The following EML5 variants were observed in gnomAD, a reference collection of about 807,000 sequenced individuals.
EML5 encodes the protein echinoderm microtubule-associated protein-like 5.
A neutral mutation model predicts 250.0 loss-of-function variants in EML5; 120 were observed. That is an observed-to-expected ratio of 0.48 (90% confidence interval 0.41 to 0.56). The LOEUF is 0.56. EML5 is among the 20% of genes least tolerant of loss of function. The probability of loss-of-function intolerance (pLI) is 0.00; values close to 1 mark genes in which losing one functional copy is unlikely to be tolerated. For synonymous variants in EML5, 771 were observed against 806.5 expected, an observed-to-expected ratio of 0.96 and a Z score of 0.75; for missense variants, 2,006 against 2,437.6, an observed-to-expected ratio of 0.82 and a Z score of 3.73.
rs767325864 is a variant in EML5, at chr14:88,625,067, A to C, written c.4801T>G (p.Leu1601Val). Reference sequence around the variant, plus strand: ...TGAGCTCTCGCCACGATTCTACACAATATGTGATCTTTCCACACACAGACA... The same window carrying C: ...TGAGCTCTCGCCACGATTCTACACACTATGTGATCTTTCCACACACAGACA... Reference protein sequence around the residue: ...GDVCVWKDHILCRIVARAHNG... With the variant: ...GDVCVWKDHIVCRIVARAHNG... The change falls in exon 36 of 44, where the codon TTG (leucine) becomes GTG (valine). Residue 1601 changes from leucine (L) to valine (V), a missense_variant. Leu to Val is a conservative substitution (Grantham distance 32). Around this residue, in one of 7 missense-constraint regions of EML5, gnomAD observed 405 missense variants for 523.3 expected, o/e 0.77. Coordinates refer to ENST00000554922, the MANE Select transcript of EML5 (RefSeq NM_183387.3). 15 of 1,613,920 alleles carry C rather than the reference A, an allele frequency of 9.3e-6. No homozygotes were observed. The East Asian group carries it at 3.3e-4, about 36-fold the overall frequency.
intron 1 of EML5, among the ~76,000 whole-genome samples, chr14:88,777,442 C>A (rs2094457278): frequency 6.6e-6 from 1 of 152,128 alleles, no homozygotes; most frequent in South Asian, 2.1e-4. Flanking sequence ...GGAAGCACTT[C>A]AATCAGAAAG....
intron 1 of EML5, among the ~76,000 whole-genome samples, chr14:88,790,450 T>C (rs2094594523): frequency 6.6e-6 from 1 of 152,240 alleles, no homozygotes. Context: ...TTATGAAATT[T>C]AAGCGGTGTG....
intron 33 of EML5, among the ~76,000 whole-genome samples, chr14:88,632,429 C>A (rs1467759838): frequency 6.6e-6 from 1 of 152,276 alleles, no homozygotes; most frequent in East Asian, 1.9e-4. Context: ...CCAGTGACAG[C>A]CTCTGCACTT....
chr14:88,702,946 G>C (rs992506804), intron 13 of EML5, among the ~76,000 whole-genome samples: 1 of 151,944 alleles, frequency 6.6e-6, no homozygotes, highest in Admixed American at 6.6e-5. Context: ...ATAGAGATGG[G>C]GTTTTGCCAT....
intron 14 of EML5, among the ~76,000 whole-genome samples, chr14:88,701,087 C>T (rs1469559179): frequency 1.3e-5 from 2 of 152,090 alleles, no homozygotes; most frequent in Admixed American, 1.3e-4. Flanking sequence ...TTCTACTGGG[C>T]AAAATTAATC....
intron 1 of EML5, among the ~76,000 whole-genome samples, chr14:88,762,208 T>C (rs930494411): frequency 6.6e-6 from 1 of 152,100 alleles, no homozygotes; most frequent in Non-Finnish European, 1.5e-5. Context: ...AAGCAAGTTC[T>C]AAGAAACTTA....
chr14:88,712,967 C>T (rs1228317224), intron 9 of EML5, among the ~76,000 whole-genome samples: 1 of 152,152 alleles, frequency 6.6e-6, no homozygotes, highest in Non-Finnish European at 1.5e-5. Flanking sequence ...AGGACCCGGT[C>T]AGTCTTCATT....
intron 1 of EML5, among the ~76,000 whole-genome samples, chr14:88,765,074 CAT>C (rs1255408648): frequency 3.9e-5 from 6 of 152,096 alleles, no homozygotes; most frequent in Admixed American, 2.0e-4. Flanking sequence ...AAAAAAGTAA[CAT>C]ATTAGTTTGT....
intron 23 of EML5, among the ~76,000 whole-genome samples, chr14:88,663,536 A>C (rs1432191479): frequency 6.6e-6 from 1 of 152,174 alleles, no homozygotes; most frequent in African/African-American, 2.4e-5. Context: ...ACATTTATCA[A>C]ACATATTAAA....
intron 1 of EML5, among the ~76,000 whole-genome samples, chr14:88,768,218 A>G (rs956518120): frequency 1.3e-5 from 2 of 152,086 alleles, no homozygotes; most frequent in Admixed American, 1.3e-4. Context: ...GTTTACCTCG[A>G]TCCCTTGGTT....
intron 28 of EML5, among the ~76,000 whole-genome samples, chr14:88,648,767 G>A (rs1157979176): frequency 6.6e-6 from 1 of 152,054 alleles, no homozygotes; most frequent in African/African-American, 2.4e-5. Context: ...GATCAGTACT[G>A]AGTAAGCTAT....
At chr14:88,698,595 C>A (rs2093136263) in intron 14 of EML5, among the ~76,000 whole-genome samples, 1 of 152,110 alleles carries the variant, frequency 6.6e-6, no homozygotes, top group African/African-American at 2.4e-5. Context: ...GTTTCCTTCT[C>A]AATTTCCTCA....
At chr14:88,661,537 A>G in intron 25 of EML5, 117 bp downstream of exon 25, 1 of 915,684 alleles carries the variant, frequency 1.1e-6, no homozygotes, top group Non-Finnish European at 1.6e-6. Flanking sequence ...AACCTTTCAT[A>G]TTACAACATT....
At chr14:88,773,492 T>A (rs183445079) in intron 1 of EML5, among the ~76,000 whole-genome samples, 1 of 152,326 alleles carries the variant, frequency 6.6e-6, no homozygotes, top group East Asian at 1.9e-4. Context: ...TGGATTTGGC[T>A]AGGTCCTGAG....
At chr14:88,739,826 G>T (rs1216598323) in intron 5 of EML5, among the ~76,000 whole-genome samples, 1 of 151,902 alleles carries the variant, frequency 6.6e-6, no homozygotes, top group Non-Finnish European at 1.5e-5. Context: ...AAAAGAAAAG[G>T]GTAGGAAAAC....
Position 88,704,991 on chromosome 14 carries a change from A to C in EML5, c.1933-13T>G. ...CTTCTTTGTAAACCTTTAAAAATGT[A>C]TACAAGTAGAAATATTCTTAGAATA... On this transcript the variant is annotated splice_polypyrimidine_tract_variant and intron_variant, in intron 12 of 43. Coordinates refer to ENST00000554922, the MANE Select transcript of EML5 (RefSeq NM_183387.3). 1 of 1,533,868 alleles carries C rather than the reference A, an allele frequency of 6.5e-7. No individual in the cohort carries two copies. Among genetic ancestry groups the C allele is most frequent in the Non-Finnish European group, 9.0e-7 (1 of 1,112,492 alleles).
chr14:88,741,099 G>A (rs979644914), intron 4 of EML5, among the ~76,000 whole-genome samples: 1 of 152,060 alleles, frequency 6.6e-6, no homozygotes. Context: ...AGAGGCAGAG[G>A]TTGCAGTGAG....
At chr14:88,784,526 T>A (rs1264903589) in intron 1 of EML5, among the ~76,000 whole-genome samples, 9 of 151,944 alleles carry the variant, frequency 5.9e-5, no homozygotes, top group Non-Finnish European at 8.8e-5. Context: ...CCACTAAATT[T>A]GAAAATCTAA....
chr14:88,734,022 G>A, intron 7 of EML5, among the ~76,000 whole-genome samples: 1 of 150,514 alleles, frequency 6.6e-6, no homozygotes. Context: ...AAAAAAAAAA[G>A]CAAGTAACAA....
Sources: gnomAD v4.1 joint callset for allele counts (sites outside exome capture counted in the v4.1 genomes callset) on GRCh38, gnomAD v4.1.1 for gene constraint, gnomAD v4.1.1 regional missense constraint, MANE v1.5 for transcripts, NCBI Gene and HGNC (gene_info 2026-07-23, HGNC 2026-07-21) for gene names.